The following ABHD17B variants were observed in gnomAD, a reference collection of about 807,000 sequenced individuals.
The protein encoded by ABHD17B is abhydrolase domain containing 17B, depalmitoylase.
Under a neutral mutation model 26.2 loss-of-function variants are expected in ABHD17B, and 9 were observed. That is an observed-to-expected ratio of 0.34 (90% confidence interval 0.21 to 0.60). ABHD17B has a LOEUF of 0.60. Among genes scored for constraint, ABHD17B ranks in the 20% least tolerant of loss-of-function variants. ABHD17B has a pLI of 0.80. For synonymous variants in ABHD17B, 127 were observed against 122.3 expected (o/e 1.04, Z -0.25); for missense variants, 224 against 352.1 (o/e 0.64, Z 2.91).
chr9:71,864,035 T>C (rs1337865239), downstream of ABHD17B, among the ~76,000 whole-genome samples: 1 of 152,116 alleles, frequency 6.6e-6, no homozygotes, highest in African/African-American at 2.4e-5. Context: ...TCTACACAAC[T>C]GACTTACACG....
chr9:71,872,153 C>T (rs966790010), intron 2 of ABHD17B, among the ~76,000 whole-genome samples: 2 of 152,172 alleles, frequency 1.3e-5, no homozygotes, highest in African/African-American at 4.8e-5. Context: ...TCAATCTCTT[C>T]ATTAAACAGA....
intron 3 of ABHD17B, among the ~76,000 whole-genome samples, chr9:71,868,076 A>T (rs1826008274): frequency 6.8e-6 from 1 of 147,246 alleles, no homozygotes; most frequent in Admixed American, 6.8e-5. Flanking sequence ...AAAATTAGCC[A>T]GGCATGATGG....
chr9:71,864,103 G>A (rs190206824), downstream of ABHD17B, among the ~76,000 whole-genome samples: 15 of 149,416 alleles, frequency 1.0e-4, no homozygotes, highest in African/African-American at 3.2e-4. Flanking sequence ...GACAAGTGCT[G>A]TTTCCTTTTT....
intron 1 of ABHD17B, among the ~76,000 whole-genome samples, chr9:71,883,944 AAAAG>A (rs1003455390): frequency 5.3e-5 from 8 of 152,158 alleles, no homozygotes; most frequent in African/African-American, 9.7e-5. Flanking sequence ...CTCAAAAAAA[AAAAG>A]AAAGAGAAAA....
At chr9:71,878,103 G>C (rs994911530) in intron 1 of ABHD17B, among the ~76,000 whole-genome samples, 3 of 151,366 alleles carry the variant, frequency 2.0e-5, no homozygotes, top group South Asian at 2.1e-4. Context: ...AGTATAGTGT[G>C]AGCAAGTTAC....
At chr9:71,876,818 G>A (rs553378367) in intron 1 of ABHD17B, among the ~76,000 whole-genome samples, 3 of 152,284 alleles carry the variant, frequency 2.0e-5, no homozygotes, top group South Asian at 4.1e-4. Context: ...CACAGGAAGA[G>A]AGGAACAAGG....
chr9:71,870,590 A>G (rs970396777), intron 2 of ABHD17B, among the ~76,000 whole-genome samples: 1 of 152,206 alleles, frequency 6.6e-6, no homozygotes, highest in Non-Finnish European at 1.5e-5. Context: ...GGGGCATATC[A>G]CTAATATTTT....
intron 1 of ABHD17B, among the ~76,000 whole-genome samples, chr9:71,891,935 T>C (rs758892894): frequency 6.6e-6 from 1 of 152,182 alleles, no homozygotes; most frequent in Non-Finnish European, 1.5e-5. Context: ...AACGAAGCCT[T>C]TGGACAGCAC....
intron 1 of ABHD17B, among the ~76,000 whole-genome samples, chr9:71,894,087 C>CAAAAAAAAAAAAAAAAAA (rs1180729763): frequency 5.7e-5 from 3 of 52,324 alleles, no homozygotes; most frequent in African/African-American, 2.6e-4. Context: ...GACTCTATCT[C>CAAAAAAAAAAAAAAAAAA]AAAAAAAAAA....
intron 1 of ABHD17B, among the ~76,000 whole-genome samples, chr9:71,890,575 C>T (rs1477402713): frequency 6.6e-6 from 1 of 152,068 alleles, no homozygotes. Context: ...ATAAAAAGTA[C>T]TTACAGTGTC....
intron 1 of ABHD17B, among the ~76,000 whole-genome samples, chr9:71,909,995 C>A (rs1564077333): frequency 6.6e-6 from 1 of 151,926 alleles, no homozygotes; most frequent in Non-Finnish European, 1.5e-5. Context: ...CAAACAAAAC[C>A]TTTAAATTTT....
At chr9:71,890,156 G>T (rs1003376936) in intron 1 of ABHD17B, among the ~76,000 whole-genome samples, 2 of 151,848 alleles carry the variant, frequency 1.3e-5, no homozygotes, top group African/African-American at 4.8e-5. Flanking sequence ...TGGGAGTGAC[G>T]GTGCATGTCT....
chr9:71,874,508 T>C, intron 2 of ABHD17B, 106 bp downstream of exon 2: 1 of 824,474 alleles, frequency 1.2e-6, no homozygotes. Flanking sequence ...ATATAACCTC[T>C]ATATAGCAGT....
chr9:71,870,607 C>T (rs1826081681), intron 2 of ABHD17B, among the ~76,000 whole-genome samples: 1 of 152,102 alleles, frequency 6.6e-6, no homozygotes, highest in Admixed American at 6.6e-5. Flanking sequence ...TTTTAATGAA[C>T]TGATGTTGAA....
chr9:71,890,742 T>G lies in ABHD17B; in HGVS notation c.-3-15659A>C, dbSNP rs145565095. ...ATTTTCGTTTGCTTCACATTTGGAC[T>G]TTCAGAAGAGGCTTTAATTTTCTGA... is the stretch of plus-strand genomic sequence containing the variant. On this transcript the variant is annotated intron_variant, in intron 1 of 3. Coordinates refer to ENST00000333421, the MANE Select transcript of ABHD17B (RefSeq NM_001025780.3). 3.7e-3 allele frequency among the ~76,000 whole-genome samples: 565 copies of G among 152,348 alleles called. 4 individuals are homozygous for G. The highest frequency in any genetic ancestry group is 0.013 in the African/African-American group (527 of 41,582).
intron 1 of ABHD17B, among the ~76,000 whole-genome samples, chr9:71,883,780 T>C (rs1826521494): frequency 6.6e-6 from 1 of 151,980 alleles, no homozygotes; most frequent in Non-Finnish European, 1.5e-5. Flanking sequence ...CTACTAAAAA[T>C]ACAGAAATTA....
Position 71,872,625 on chromosome 9 carries a change from T to TA in ABHD17B, c.467+1988dup, listed in dbSNP as rs373775776. Among the ~76,000 whole-genome samples, 257 of 152,284 alleles carry TA rather than the reference T, an allele frequency of 1.7e-3. 1 individual carries two copies. Among genetic ancestry groups the TA allele is most frequent in the African/African-American group, 5.9e-3 (245 of 41,564 alleles). ...TCATTATTCCACTGAAGTTAACCTT[T>TA]AAAAGTGTGAACCTTATCACTCAAT... On this transcript the variant is annotated intron_variant, in intron 2 of 3. Transcript: ENST00000333421.
chr9:71,888,736 G>A (rs532872259), intron 1 of ABHD17B, among the ~76,000 whole-genome samples: 9 of 152,066 alleles, frequency 5.9e-5, no homozygotes, highest in African/African-American at 2.2e-4. Context: ...GGTCAATACA[G>A]CATATGAGCA....
intron 1 of ABHD17B, among the ~76,000 whole-genome samples, chr9:71,883,890 T>C (rs762514103): frequency 3.9e-5 from 6 of 152,044 alleles, no homozygotes; most frequent in Non-Finnish European, 8.8e-5. Flanking sequence ...TGAGCCGAGA[T>C]TGCATCATTG....
Sources: gnomAD v4.1 joint callset for allele counts (sites outside exome capture counted in the v4.1 genomes callset) on GRCh38, gnomAD v4.1.1 for gene constraint, MANE v1.5 for transcripts, NCBI Gene and HGNC (gene_info 2026-07-23, HGNC 2026-07-21) for gene names.